Variants in FSTL5 observed in about 807,000 individuals in gnomAD.
FSTL5 encodes follistatin-related protein 5.
A neutral mutation model predicts 89.1 loss-of-function variants in FSTL5; 62 were observed. That is an observed-to-expected ratio of 0.70 (90% confidence interval 0.57 to 0.86). The LOEUF is 0.86. Ranked by LOEUF, FSTL5 falls within the 40% of genes least tolerant of loss-of-function variation. The probability of loss-of-function intolerance (pLI) is 0.00; values close to 1 mark genes in which losing one functional copy is unlikely to be tolerated. For missense variants in FSTL5, 1,057 were observed against 1,001.6 expected (o/e 1.06, Z -0.75); for synonymous variants, 383 against 346.2 (o/e 1.11, Z -1.18).
At chr4:161,755,796 G>T (rs1740548943) in intron 6 of FSTL5, among the ~76,000 whole-genome samples, 1 of 152,034 alleles carries the variant, frequency 6.6e-6, no homozygotes, top group Admixed American at 6.5e-5. Context: ...CATGATTTTT[G>T]AATAGATTTC....
rs184641178 is a variant in FSTL5 at position 161,589,339 on chromosome 4, C to T, written c.895-1764G>A. Among the ~76,000 whole-genome samples the T allele has an allele frequency of 1.9e-3, 288 of 152,044 alleles. 2 individuals carry two copies. The highest frequency in any genetic ancestry group is 6.5e-3 in the African/African-American group (270 of 41,480). On this transcript the variant is annotated intron_variant, in intron 7 of 15. Transcript: ENST00000306100. ...CAGGTGCTACAGGCTTGTGCCACCA[C>T]GCCCTGCTAATTTTTTGTATTTTTA... is the stretch of plus-strand genomic sequence containing the variant.
chr4:162,004,877 T>C (rs1736571129), intron 3 of FSTL5, among the ~76,000 whole-genome samples: 1 of 152,136 alleles, frequency 6.6e-6, no homozygotes, highest in Non-Finnish European at 1.5e-5. Context: ...CTGATTTCCA[T>C]ACCAACCTCC....
chr4:161,501,207 T>C (rs1348939394), intron 11 of FSTL5, among the ~76,000 whole-genome samples: 1 of 152,148 alleles, frequency 6.6e-6, no homozygotes, highest in African/African-American at 2.4e-5. Flanking sequence ...AGATAATTTA[T>C]TTAAATAAAA....
At chr4:161,833,301 C>G (rs1730911108) in intron 4 of FSTL5, among the ~76,000 whole-genome samples, 2 of 151,860 alleles carry the variant, frequency 1.3e-5, no homozygotes, top group East Asian at 1.9e-4. Context: ...TTACTTCCAA[C>G]TATGTGGTCA....
At chr4:161,685,064 T>C (rs1369630513) in intron 6 of FSTL5, among the ~76,000 whole-genome samples, 1 of 152,084 alleles carries the variant, frequency 6.6e-6, no homozygotes, top group African/African-American at 2.4e-5. Context: ...CTGTAAGTAT[T>C]TGGGTTTATT....
At chr4:161,764,368 C>T (rs7675884) in intron 5 of FSTL5, among the ~76,000 whole-genome samples, 81,188 of 150,774 alleles carry the variant, frequency 0.54, 25,100 homozygotes, top group Non-Finnish European at 0.69. Flanking sequence ...AAGCAATTCT[C>T]CTGCCTCAGC....
rs35261391 is a variant in FSTL5 at position 161,601,329 on chromosome 4, G to GAAAAAAAAAAAAAAAA, written c.895-13770_895-13755dup. Reference sequence around the variant, plus strand: ...AGTGACACAAAGTCTTAAATAGTTGGAAAAAAAAAAAAAAAAAAAAAGGCA... The same window carrying GAAAAAAAAAAAAAAAA: ...AGTGACACAAAGTCTTAAATAGTTGGAAAAAAAAAAAAAAAAAAAAAAAAAAAAAAAAAAAAAGGCA... On this transcript the variant is annotated intron_variant, in intron 7 of 15. Transcript: ENST00000306100. Among the ~76,000 whole-genome samples the GAAAAAAAAAAAAAAAA allele has an allele frequency of 1.9e-5, 2 of 107,566 alleles. 1 individual carries two copies. Among genetic ancestry groups the GAAAAAAAAAAAAAAAA allele is most frequent in the Non-Finnish European group, 3.7e-5 (2 of 54,450 alleles). 70.6% of individuals were successfully genotyped at this position (107,566 alleles called of 152,430 possible).
chr4:161,896,369 C>T (rs964051711), intron 4 of FSTL5, among the ~76,000 whole-genome samples: 2 of 152,110 alleles, frequency 1.3e-5, no homozygotes, highest in East Asian at 3.9e-4. Context: ...GCTATCCTTG[C>T]TTATCAGGTC....
chr4:161,915,304 C>T (rs893019026), intron 4 of FSTL5, among the ~76,000 whole-genome samples: 3 of 151,544 alleles, frequency 2.0e-5, no homozygotes, highest in Non-Finnish European at 4.4e-5. Flanking sequence ...TCCCCCTCCC[C>T]CTCTCCCTAC....
intron 4 of FSTL5, among the ~76,000 whole-genome samples, chr4:161,798,657 G>T (rs1352105470): frequency 1.3e-5 from 2 of 151,264 alleles, no homozygotes; most frequent in Non-Finnish European, 3.0e-5. Context: ...GATTTAACAA[G>T]CTCTTCAGGT....
At chr4:161,403,830 G>C (rs909467670) in intron 15 of FSTL5, among the ~76,000 whole-genome samples, 7 of 152,098 alleles carry the variant, frequency 4.6e-5, no homozygotes, top group African/African-American at 1.7e-4. Context: ...CACACAAATG[G>C]AACAAAGACT....
At chr4:161,886,326 G>A (rs1732805628) in intron 4 of FSTL5, among the ~76,000 whole-genome samples, 1 of 152,166 alleles carries the variant, frequency 6.6e-6, no homozygotes, top group Middle Eastern at 3.2e-3. Context: ...CTAGTAGACA[G>A]AAAGCAAATT....
intron 13 of FSTL5, among the ~76,000 whole-genome samples, chr4:161,479,867 G>A (rs1729436129): frequency 6.6e-6 from 1 of 152,090 alleles, no homozygotes; most frequent in South Asian, 2.1e-4. Flanking sequence ...GTTTGTATTT[G>A]TGAAATAAGA....
At chr4:161,676,891 C>T (rs576770242) in intron 6 of FSTL5, among the ~76,000 whole-genome samples, 2 of 151,788 alleles carry the variant, frequency 1.3e-5, no homozygotes, top group South Asian at 2.1e-4. Flanking sequence ...ATGTTTTATT[C>T]CACATATTAA....
intron 1 of FSTL5, among the ~76,000 whole-genome samples, chr4:162,142,281 G>T (rs143984350): frequency 6.6e-6 from 1 of 152,250 alleles, no homozygotes; most frequent in African/African-American, 2.4e-5. Context: ...TTTGAAGGAT[G>T]AGAAAATTAT....
rs571247749 is a variant in FSTL5 at position 161,883,269 on chromosome 4, T to A, written c.409+37135A>T. ...GACTGTCAGGAAGGGTTTGTTTTGA[T>A]CTGAACAGAGTGAAGAACATTCGGC... On this transcript the variant is annotated intron_variant, in intron 4 of 15. Transcript: ENST00000306100. Among the ~76,000 whole-genome samples, 19 of 152,338 alleles carry A rather than the reference T, an allele frequency of 1.2e-4. No homozygotes were observed. In the South Asian group the frequency reaches 3.7e-3, roughly 30 times the overall value.
intron 3 of FSTL5, among the ~76,000 whole-genome samples, chr4:161,986,481 G>A (rs1735966658): frequency 6.6e-6 from 1 of 152,132 alleles, no homozygotes; most frequent in Non-Finnish European, 1.5e-5. Context: ...GAACCCTGGG[G>A]CCAGAGGTTG....
chr4:161,390,555 C>G (rs1035077385), intron 15 of FSTL5, among the ~76,000 whole-genome samples: 14 of 152,052 alleles, frequency 9.2e-5, no homozygotes, highest in Admixed American at 2.6e-4. Context: ...CACAAAGTCT[C>G]ATAAAACAGG....
chr4:161,672,864 A>G (rs949496546), intron 6 of FSTL5, among the ~76,000 whole-genome samples: 1 of 152,044 alleles, frequency 6.6e-6, no homozygotes, highest in African/African-American at 2.4e-5. Flanking sequence ...CATCTTTTCT[A>G]CAAATGAATA....
Sources: gnomAD v4.1 joint callset for allele counts (sites outside exome capture counted in the v4.1 genomes callset) on GRCh38, gnomAD v4.1.1 for gene constraint, MANE v1.5 for transcripts, NCBI Gene and HGNC (gene_info 2026-07-23, HGNC 2026-07-21) for gene names.